Variants in CEMIP observed in about 807,000 individuals in gnomAD.
The protein encoded by CEMIP is cell migration-inducing and hyaluronan-binding protein.
Under a neutral mutation model 156.9 loss-of-function variants are expected in CEMIP, and 105 were observed. That is an observed-to-expected ratio of 0.67 (90% CI 0.57 to 0.79). CEMIP has a LOEUF of 0.79. Among genes scored for constraint, CEMIP ranks in the 30% least tolerant of loss-of-function variants. CEMIP has a pLI of 0.00. For missense variants in CEMIP, 1,457 were observed against 1,769.4 expected (o/e 0.82, Z 3.17); for synonymous variants, 676 against 668.4 (o/e 1.01, Z -0.17).
At chr15:80,808,269 A>G (rs1896564220) in intron 1 of CEMIP, among the ~76,000 whole-genome samples, 1 of 152,184 alleles carries the variant, frequency 6.6e-6, no homozygotes, top group South Asian at 2.1e-4. Context: ...GGCAGACCTG[A>G]TGCTGGGGAT....
Position 80,870,250 on chromosome 15 carries a change from G to A in CEMIP, c.-175-3288G>A, listed in dbSNP as rs1898243647. ...CCTCATGCAGGGTGGGTAGGGACGGGGATGGCTGTCCCTCTGCTGTCTTAT... is the reference window on the plus strand; with the variant it reads ...CCTCATGCAGGGTGGGTAGGGACGGAGATGGCTGTCCCTCTGCTGTCTTAT... On this transcript the variant is annotated intron_variant, in intron 1 of 29. Coordinates refer to ENST00000394685, the MANE Select transcript of CEMIP (RefSeq NM_001293298.2). Among the ~76,000 whole-genome samples, 3 of 152,238 alleles carry A rather than the reference G, an allele frequency of 2.0e-5. No individual in the cohort carries two copies. In the South Asian group the frequency reaches 6.2e-4, roughly 32 times the overall value.
chr15:80,870,358 C>T (rs1898248196), intron 1 of CEMIP, among the ~76,000 whole-genome samples: 2 of 152,144 alleles, frequency 1.3e-5, no homozygotes, highest in Non-Finnish European at 2.9e-5. Context: ...TTACCTCCTG[C>T]TACCTCTTCT....
chr15:80,862,162 G>A (rs988805865), intron 1 of CEMIP, among the ~76,000 whole-genome samples: 1 of 152,182 alleles, frequency 6.6e-6, no homozygotes, highest in Non-Finnish European at 1.5e-5. Context: ...TGTCTTTGAC[G>A]TCAGGTGGCA....
intron 3 of CEMIP, among the ~76,000 whole-genome samples, chr15:80,875,258 C>T (rs1448686876): frequency 6.6e-6 from 1 of 152,074 alleles, no homozygotes; most frequent in African/African-American, 2.4e-5. Context: ...TAGTCTCAAA[C>T]TCCTAGGCTC....
chr15:80,810,060 A>G (rs1361384360), intron 1 of CEMIP, among the ~76,000 whole-genome samples: 1 of 152,050 alleles, frequency 6.6e-6, no homozygotes, highest in Non-Finnish European at 1.5e-5. Context: ...TGATTGGGTA[A>G]CTGTGAGCAA....
chr15:80,922,268 A>T, intron 17 of CEMIP, 131 bp downstream of exon 17: 5 of 1,259,540 alleles, frequency 4.0e-6, no homozygotes, highest in South Asian at 1.2e-5. Flanking sequence ...GGTCTCGAAG[A>T]AAATGGAGCA....
At chr15:80,912,217 G>A (rs530627089) in intron 14 of CEMIP, among the ~76,000 whole-genome samples, 1 of 152,320 alleles carries the variant, frequency 6.6e-6, no homozygotes, top group East Asian at 1.9e-4. Flanking sequence ...CAAGAGGGAA[G>A]GCAGCAGTTC....
chr15:80,900,585 GGTGTGTGTGT>G (rs57724852), intron 12 of CEMIP, among the ~76,000 whole-genome samples: 1,614 of 74,954 alleles, frequency 0.022, 9 homozygotes, highest in South Asian at 0.048. Context: ...CCCAGGTAGG[GGTGTGTGTGT>G]GTGTGTGTGT....
intron 1 of CEMIP, chr15:80,842,083 T>C: frequency 1.9e-6 from 1 of 530,588 alleles, no homozygotes; most frequent in Non-Finnish European, 3.9e-6. Context: ...TATCAGAAGA[T>C]GTGATGCCAG....
intron 1 of CEMIP, among the ~76,000 whole-genome samples, chr15:80,817,538 T>C (rs2141643691): frequency 6.6e-6 from 1 of 151,598 alleles, no homozygotes; most frequent in South Asian, 2.1e-4. Flanking sequence ...GAGGTAGAGG[T>C]TGTGGTGAGC....
chr15:80,865,039 G>T (rs1028783050), intron 1 of CEMIP, among the ~76,000 whole-genome samples: 2 of 152,096 alleles, frequency 1.3e-5, no homozygotes, highest in African/African-American at 4.8e-5. Flanking sequence ...GAGTCCTGAG[G>T]CTCAGAGCTG....
intron 25 of CEMIP, among the ~76,000 whole-genome samples, chr15:80,939,991 A>T (rs1300818128): frequency 6.6e-6 from 1 of 152,190 alleles, no homozygotes. Flanking sequence ...CATTTTTTCC[A>T]GGTTAAAAAA....
chr15:80,894,929 G>T (rs1479286214), intron 10 of CEMIP, 61 bp from the exon 11 acceptor site: 1 of 1,579,218 alleles, frequency 6.3e-7, no homozygotes, highest in African/African-American at 1.4e-5. Context: ...ACATTAATCA[G>T]CACCTTCCTT....
At chr15:80,842,290 C>T (rs1897442961) in intron 1 of CEMIP, among the ~76,000 whole-genome samples, 1 of 152,166 alleles carries the variant, frequency 6.6e-6, no homozygotes, top group East Asian at 1.9e-4. Flanking sequence ...TCTCCTCCTA[C>T]TTGGCCTTTC....
chr15:80,943,160 G>C, intron 28 of CEMIP, 58 bp downstream of exon 28: 1 of 1,585,132 alleles, frequency 6.3e-7, no homozygotes, highest in African/African-American at 1.3e-5. Context: ...CCCTGGGCAA[G>C]GGCCCCCTCC....
intron 1 of CEMIP, among the ~76,000 whole-genome samples, chr15:80,805,202 T>C (rs1013463808): frequency 2.6e-5 from 4 of 152,180 alleles, no homozygotes; most frequent in African/African-American, 7.2e-5. Flanking sequence ...ACATCAGCCC[T>C]GGAGAAACTG....
chr15:80,948,693 T>C (rs1282374836), intron 29 of CEMIP, 104 bp from the exon 30 acceptor site: 7 of 1,481,336 alleles, frequency 4.7e-6, no homozygotes, highest in South Asian at 4.5e-5. Flanking sequence ...GGCTAGGCGG[T>C]ACCTGGTGGG....
intron 23 of CEMIP, 118 bp downstream of exon 23, chr15:80,933,578 T>G (rs1320451208): frequency 7.9e-6 from 6 of 758,336 alleles, no homozygotes; most frequent in Non-Finnish European, 1.2e-5. Flanking sequence ...CAGAATTTTT[T>G]TTTCTTTTTC....
chr15:80,832,962 C>T (rs1257033744), intron 1 of CEMIP, among the ~76,000 whole-genome samples: 3 of 152,044 alleles, frequency 2.0e-5, no homozygotes, highest in Admixed American at 6.5e-5. Flanking sequence ...TTCCGTGTGG[C>T]TTTCTCACAG....
Sources: allele counts gnomAD v4.1 joint callset (sites outside exome capture counted in the v4.1 genomes callset), GRCh38; gene constraint gnomAD v4.1.1; transcripts MANE v1.5; gene names NCBI Gene and HGNC (gene_info 2026-07-23, HGNC 2026-07-21).